The following TIAM1 variants were observed in gnomAD, a reference collection of about 807,000 sequenced individuals.
The protein encoded by TIAM1 is TIAM Rac1 associated GEF 1.
Under a neutral mutation model 163.5 loss-of-function variants are expected in TIAM1, and 65 were observed. The ratio of observed to expected loss-of-function variants is 0.40; its 90% CI spans 0.33 to 0.49. The LOEUF is 0.49. Among genes scored for constraint, TIAM1 ranks in the 20% least tolerant of loss-of-function variants. The probability of loss-of-function intolerance (pLI) is 0.77; values close to 1 mark genes in which losing one functional copy is unlikely to be tolerated. For synonymous variants in TIAM1, 833 were observed against 810.1 expected (o/e 1.03, Z -0.48); for missense variants, 1,789 against 2,044.7 (o/e 0.87, Z 2.41).
rs1210753147 is a variant in TIAM1, at chr21:31,153,143, T to G, written c.3172-9A>C. On this transcript the variant is annotated splice_polypyrimidine_tract_variant and intron_variant, in intron 17 of 27. Transcript: ENST00000541036. ...ATAAGACAGTTTAAATCCTAAGAAT[T>G]GAAAAGAGAACTCATTAGCTTATGT... 1 of 1,602,982 alleles carries G rather than the reference T, an allele frequency of 6.2e-7. No individual in the cohort carries two copies. The highest frequency in any genetic ancestry group is 8.5e-7 in the Non-Finnish European group (1 of 1,175,492).
intron 23 of TIAM1, 50 bp from the exon 24 acceptor site, chr21:31,130,998 T>C: frequency 1.3e-6 from 2 of 1,527,682 alleles, no homozygotes; most frequent in Non-Finnish European, 1.8e-6. Context: ...TGTAGGGTTT[T>C]CCCCTTGACA....
chr21:31,429,384 T>A (rs2043916169), intron 2 of TIAM1, among the ~76,000 whole-genome samples: 1 of 152,176 alleles, frequency 6.6e-6, no homozygotes, highest in African/African-American at 2.4e-5. Flanking sequence ...ACCCATTAAT[T>A]CTTTTTCTGA....
intron 2 of TIAM1, among the ~76,000 whole-genome samples, chr21:31,434,799 T>C (rs1314436114): frequency 6.6e-6 from 1 of 152,172 alleles, no homozygotes; most frequent in Non-Finnish European, 1.5e-5. Context: ...ACAAGGACTG[T>C]GGTGAGCTCT....
chr21:31,160,203 G>A (rs538194959), intron 16 of TIAM1, among the ~76,000 whole-genome samples: 1 of 152,208 alleles, frequency 6.6e-6, no homozygotes, highest in African/African-American at 2.4e-5. Flanking sequence ...GTATAAAAGA[G>A]TAGAAAAATG....
intron 20 of TIAM1, among the ~76,000 whole-genome samples, chr21:31,143,993 C>T (rs1225289693): frequency 6.6e-6 from 1 of 152,120 alleles, no homozygotes; most frequent in East Asian, 1.9e-4. Flanking sequence ...CTCGGCCTCC[C>T]AAAGGGCTGG....
At chr21:31,425,068 A>AG in intron 2 of TIAM1, among the ~76,000 whole-genome samples, 1 of 152,124 alleles carries the variant, frequency 6.6e-6, no homozygotes, top group Middle Eastern at 3.4e-3. Flanking sequence ...AAAAAAAAAA[A>AG]AGAAAACAAA....
intron 2 of TIAM1, chr21:31,452,705 CA>C: frequency 2.2e-6 from 1 of 447,578 alleles, no homozygotes. Flanking sequence ...CCATAAGACT[CA>C]AAAGTAATAA....
intron 1 of TIAM1, among the ~76,000 whole-genome samples, chr21:31,472,224 A>T (rs1213359465): frequency 6.6e-6 from 1 of 152,042 alleles, no homozygotes; most frequent in African/African-American, 2.4e-5. Flanking sequence ...AATTCAAACA[A>T]AGTTATCAGA....
chr21:31,201,241 T>C (rs1235121566), intron 12 of TIAM1, among the ~76,000 whole-genome samples: 2 of 152,136 alleles, frequency 1.3e-5, no homozygotes, highest in East Asian at 1.9e-4. Flanking sequence ...AAAAAAGGGT[T>C]TTCTTTCCTT....
At chr21:31,557,647 G>A (rs558954376) in intron 1 of TIAM1, among the ~76,000 whole-genome samples, 1 of 152,308 alleles carries the variant, frequency 6.6e-6, no homozygotes, top group East Asian at 1.9e-4. Flanking sequence ...AACCCGATCC[G>A]GACGGCTCTG....
At chr21:31,245,136 A>G (rs1292387806) in intron 6 of TIAM1, among the ~76,000 whole-genome samples, 1 of 152,100 alleles carries the variant, frequency 6.6e-6, no homozygotes, top group East Asian at 1.9e-4. Flanking sequence ...AATCATGTCT[A>G]AAAGAAGAAA....
chr21:31,367,773 C>T (rs952291995), intron 2 of TIAM1, among the ~76,000 whole-genome samples: 1 of 152,148 alleles, frequency 6.6e-6, no homozygotes, highest in African/African-American at 2.4e-5. Flanking sequence ...TATTCGTTAC[C>T]TATTTGTTCT....
intron 12 of TIAM1, among the ~76,000 whole-genome samples, chr21:31,196,718 T>C (rs1173434326): frequency 6.6e-6 from 1 of 152,152 alleles, no homozygotes; most frequent in East Asian, 1.9e-4. Flanking sequence ...GAACTACCGC[T>C]TGACGCAGCA....
At chr21:31,185,591 A>C (rs1020292364) in intron 14 of TIAM1, among the ~76,000 whole-genome samples, 2 of 141,980 alleles carry the variant, frequency 1.4e-5, no homozygotes, top group Admixed American at 7.3e-5. Flanking sequence ...ATAATATATT[A>C]TATATCATAT....
intron 2 of TIAM1, among the ~76,000 whole-genome samples, chr21:31,326,104 T>C (rs1431719676): frequency 6.6e-6 from 1 of 152,210 alleles, no homozygotes; most frequent in Non-Finnish European, 1.5e-5. Context: ...CTGAACACCC[T>C]GACCCCAGCG....
At chr21:31,188,255 G>C (rs1258750693) in intron 13 of TIAM1, among the ~76,000 whole-genome samples, 1 of 152,114 alleles carries the variant, frequency 6.6e-6, no homozygotes, top group East Asian at 1.9e-4. Context: ...GAACAGCAGA[G>C]GGCCACCCGT....
At chr21:31,522,349 A>T (rs1352656476) in intron 1 of TIAM1, among the ~76,000 whole-genome samples, 1 of 151,584 alleles carries the variant, frequency 6.6e-6, no homozygotes, top group African/African-American at 2.4e-5. Context: ...TCTACTAAAA[A>T]TACAAAAAAA....
At chr21:31,235,482 A>G (rs184395136) in intron 6 of TIAM1, among the ~76,000 whole-genome samples, 4 of 152,324 alleles carry the variant, frequency 2.6e-5, no homozygotes, top group Admixed American at 2.6e-4. Context: ...ATGTTCATCT[A>G]TCATAATAGA....
chr21:31,222,707 A>ATATATTTTTTT (rs1235400142), intron 8 of TIAM1, among the ~76,000 whole-genome samples: 1 of 32,892 alleles, frequency 3.0e-5, no homozygotes, highest in East Asian at 1.9e-3. Context: ...ATATATATAT[A>ATATATTTTTTT]TTTTTTTTTT....
Sources: allele counts gnomAD v4.1 joint callset (sites outside exome capture counted in the v4.1 genomes callset), GRCh38; gene constraint gnomAD v4.1.1; transcripts MANE v1.5; gene names NCBI Gene and HGNC (gene_info 2026-07-23, HGNC 2026-07-21).